The following TEAD1 variants were observed in gnomAD, a reference collection of about 807,000 sequenced individuals.
The protein encoded by TEAD1 is TEA domain transcription factor 1, also known as transcriptional enhancer factor TEF-1.
Under a neutral mutation model 54.9 loss-of-function variants are expected in TEAD1, and 9 were observed. The observed-to-expected ratio is 0.16, with a 90% CI of 0.10 to 0.29. The LOEUF is 0.29. Among genes scored for constraint, TEAD1 ranks in the 10% least tolerant of loss-of-function variants. The probability of loss-of-function intolerance (pLI) is 1.00; values close to 1 mark genes in which losing one functional copy is unlikely to be tolerated. For synonymous variants in TEAD1, 200 were observed against 187.8 expected, an observed-to-expected ratio of 1.07 and a Z score of -0.53; for missense variants, 387 against 535.9, an observed-to-expected ratio of 0.72 and a Z score of 2.74.
At chr11:12,894,316 G>T (rs1353800391) in intron 9 of TEAD1, among the ~76,000 whole-genome samples, 1 of 152,160 alleles carries the variant, frequency 6.6e-6, no homozygotes, top group Non-Finnish European at 1.5e-5. Flanking sequence ...CGCAGATGCT[G>T]AGGACTAGCA....
At chr11:12,879,018 G>A in intron 5 of TEAD1, 1 of 755,874 alleles carries the variant, frequency 1.3e-6, no homozygotes. Flanking sequence ...AGGAAAAGGA[G>A]AAACCACGTA....
chr11:12,736,415 A>AT (rs1403524523), intron 2 of TEAD1, among the ~76,000 whole-genome samples: 1 of 152,230 alleles, frequency 6.6e-6, no homozygotes, highest in African/African-American at 2.4e-5. Flanking sequence ...AAAAATAGGG[A>AT]TTTAAAATGT....
intron 3 of TEAD1, among the ~76,000 whole-genome samples, chr11:12,834,127 G>C (rs982952417): frequency 6.6e-6 from 1 of 152,172 alleles, no homozygotes; most frequent in African/African-American, 2.4e-5. Flanking sequence ...AGTGGCTGAC[G>C]ACCAGCCCTG....
intron 2 of TEAD1, among the ~76,000 whole-genome samples, chr11:12,709,024 A>T (rs1943877183): frequency 6.6e-6 from 1 of 152,178 alleles, no homozygotes; most frequent in South Asian, 2.1e-4. Flanking sequence ...TATTGTTTGA[A>T]CTGTTTATAA....
chr11:12,681,113 C>T (rs1250437203), intron 2 of TEAD1, among the ~76,000 whole-genome samples: 1 of 152,114 alleles, frequency 6.6e-6, no homozygotes, highest in African/African-American at 2.4e-5. Flanking sequence ...AGTTAGAGCT[C>T]CATTAGCTGA....
intron 3 of TEAD1, among the ~76,000 whole-genome samples, chr11:12,857,331 A>G (rs1947406152): frequency 6.6e-6 from 1 of 152,182 alleles, no homozygotes; most frequent in Non-Finnish European, 1.5e-5. Flanking sequence ...GGCAGCTACA[A>G]CTACAGCATC....
At chr11:12,758,803 A>G (rs1052277960) in intron 2 of TEAD1, among the ~76,000 whole-genome samples, 2 of 152,120 alleles carry the variant, frequency 1.3e-5, no homozygotes, top group Admixed American at 1.3e-4. Context: ...TCAGCCTCCC[A>G]AAGTGCTGGG....
chr11:12,803,175 C>A (rs1162283159), intron 3 of TEAD1, among the ~76,000 whole-genome samples: 1 of 151,982 alleles, frequency 6.6e-6, no homozygotes, highest in Non-Finnish European at 1.5e-5. Flanking sequence ...TTTTTCCCCC[C>A]TTTCCCCGAG....
chr11:12,916,908 A>C (rs1316664255), intron 10 of TEAD1, among the ~76,000 whole-genome samples: 1 of 152,200 alleles, frequency 6.6e-6, no homozygotes, highest in Non-Finnish European at 1.5e-5. Flanking sequence ...AGAAAACTGC[A>C]GAATTGTGTT....
At chr11:12,708,508 T>G (rs1298395623) in intron 2 of TEAD1, among the ~76,000 whole-genome samples, 1 of 152,064 alleles carries the variant, frequency 6.6e-6, no homozygotes, top group Non-Finnish European at 1.5e-5. Flanking sequence ...ATTTCATATG[T>G]GATTGGCAGG....
intron 11 of TEAD1, among the ~76,000 whole-genome samples, chr11:12,928,852 T>C (rs1371757): frequency 0.63 from 95,525 of 151,976 alleles, 30,213 homozygotes; most frequent in South Asian, 0.76. Context: ...TTACCTCACA[T>C]AGCTTACCAA....
At chr11:12,925,385 T>C (rs986670781) in intron 11 of TEAD1, among the ~76,000 whole-genome samples, 1 of 152,114 alleles carries the variant, frequency 6.6e-6, no homozygotes, top group African/African-American at 2.4e-5. Flanking sequence ...CACACACTTT[T>C]AAACCATCAG....
intron 10 of TEAD1, among the ~76,000 whole-genome samples, chr11:12,911,861 C>T (rs1422007741): frequency 6.6e-6 from 1 of 152,082 alleles, no homozygotes; most frequent in Admixed American, 6.6e-5. Context: ...TTCCCGAACC[C>T]TGGATGCCAA....
intron 2 of TEAD1, among the ~76,000 whole-genome samples, chr11:12,692,487 A>G (rs1184316385): frequency 6.6e-6 from 1 of 152,102 alleles, no homozygotes; most frequent in Admixed American, 6.5e-5. Flanking sequence ...TACACATTTA[A>G]TGCCCCTCAC....
At chr11:12,714,354 C>T (rs1944009768) in intron 2 of TEAD1, among the ~76,000 whole-genome samples, 1 of 152,168 alleles carries the variant, frequency 6.6e-6, no homozygotes, top group South Asian at 2.1e-4. Flanking sequence ...CATTTATCCT[C>T]TGTATAGTGC....
intron 2 of TEAD1, among the ~76,000 whole-genome samples, chr11:12,737,683 C>T (rs1319536433): frequency 3.3e-5 from 5 of 152,064 alleles, no homozygotes; most frequent in Admixed American, 6.6e-5. Context: ...GTCACTCTTA[C>T]CATTTGCTTG....
intron 9 of TEAD1, among the ~76,000 whole-genome samples, chr11:12,884,703 G>C (rs980777859): frequency 1.3e-5 from 2 of 152,120 alleles, no homozygotes; most frequent in East Asian, 1.9e-4. Context: ...ATGTAAATTG[G>C]GCCCATCAGG....
chr11:12,891,814 C>T (rs1230563200), intron 9 of TEAD1, among the ~76,000 whole-genome samples: 1 of 152,200 alleles, frequency 6.6e-6, no homozygotes, highest in East Asian at 1.9e-4. Context: ...GGATTGTTCT[C>T]CATTCACAGA....
intron 11 of TEAD1, among the ~76,000 whole-genome samples, chr11:12,928,441 C>G (rs1948943205): frequency 6.6e-6 from 1 of 152,048 alleles, no homozygotes; most frequent in African/African-American, 2.4e-5. Flanking sequence ...GCCACCATGC[C>G]TGGCTAATTT....
Sources: gnomAD v4.1 joint callset for allele counts (sites outside exome capture counted in the v4.1 genomes callset) on GRCh38, gnomAD v4.1.1 for gene constraint, MANE v1.5 for transcripts, NCBI Gene and HGNC (gene_info 2026-07-23, HGNC 2026-07-21) for gene names.